Variants in EPHB2 observed in about 807,000 individuals in gnomAD.
EPHB2 encodes ephrin type-B receptor 2.
A neutral mutation model predicts 96.4 loss-of-function variants in EPHB2; 18 were observed. The ratio of observed to expected loss-of-function variants is 0.19; its 90% CI spans 0.13 to 0.28. The LOEUF (loss-of-function observed/expected upper bound fraction) is 0.28. Ranked by LOEUF, EPHB2 falls within the 10% of genes least tolerant of loss-of-function variation. The pLI is 1.00. For missense variants in EPHB2, 989 were observed against 1,355.4 expected (o/e 0.73, Z 4.25); for synonymous variants, 506 against 534.1 (o/e 0.95, Z 0.72).
At chr1:22,829,434 C>T (rs1185902452) in intron 3 of EPHB2, among the ~76,000 whole-genome samples, 1 of 152,242 alleles carries the variant, frequency 6.6e-6, no homozygotes, top group Admixed American at 6.5e-5. Flanking sequence ...CAGGCCCCAC[C>T]CAGATTCCAA....
chr1:22,720,799 C>T (rs1158433698), intron 1 of EPHB2, among the ~76,000 whole-genome samples: 3 of 151,914 alleles, frequency 2.0e-5, no homozygotes, highest in Non-Finnish European at 4.4e-5. Flanking sequence ...GATGTTTGTG[C>T]AATAAACGAA....
intron 3 of EPHB2, among the ~76,000 whole-genome samples, chr1:22,803,633 GTA>G (rs1421721579): frequency 4.3e-3 from 6 of 1,400 alleles, no homozygotes; most frequent in Admixed American, 0.017. Flanking sequence ...ATATATATGT[GTA>G]TATATATGTG....
At chr1:22,813,706 G>C (rs746328247) in intron 3 of EPHB2, among the ~76,000 whole-genome samples, 3 of 152,232 alleles carry the variant, frequency 2.0e-5, no homozygotes, top group Non-Finnish European at 2.9e-5. Context: ...TTCACTCTCT[G>C]AACGCTGGTT....
rs1411822657 is a variant in EPHB2 at position 22,906,672 on chromosome 1, C to T, written c.1889-38C>T. Reference sequence around the variant, plus strand: ...ACAGGAAGGTGGCCCTTCCACCTGGCAAGTGACATCCTGTCTGTCTTGGTG... The same window carrying T: ...ACAGGAAGGTGGCCCTTCCACCTGGTAAGTGACATCCTGTCTGTCTTGGTG... On this transcript the variant is annotated intron_variant, in intron 10 of 15. Transcript: ENST00000374630. This position sits in a 1 kb window ranked among gnomAD's most constrained non-coding sequence, Gnocchi z 4.8. The T allele has an allele frequency of 6.2e-7, 1 of 1,613,634 alleles. No individual in the cohort carries two copies. Among genetic ancestry groups the T allele is most frequent in the Non-Finnish European group, 8.5e-7 (1 of 1,179,934 alleles).
At chr1:22,774,250 C>A (rs550019971) in intron 1 of EPHB2, among the ~76,000 whole-genome samples, 1 of 152,336 alleles carries the variant, frequency 6.6e-6, no homozygotes, top group Admixed American at 6.5e-5. Context: ...TCCGCCTCTC[C>A]CTGCAGTAAG....
chr1:22,861,696 C>T (rs759543567), intron 3 of EPHB2, among the ~76,000 whole-genome samples: 1 of 152,048 alleles, frequency 6.6e-6, no homozygotes, highest in Admixed American at 6.6e-5. Flanking sequence ...CCAAGAAAGG[C>T]AGGGTCTCTG....
chr1:22,803,177 T>A (rs1644869973), intron 3 of EPHB2, among the ~76,000 whole-genome samples: 1 of 152,116 alleles, frequency 6.6e-6, no homozygotes, highest in South Asian at 2.1e-4. Flanking sequence ...CTCCTGTCCC[T>A]CAAATCTTTG....
intron 5 of EPHB2, among the ~76,000 whole-genome samples, chr1:22,879,418 T>C (rs1313690905): frequency 6.6e-6 from 1 of 152,228 alleles, no homozygotes; most frequent in Non-Finnish European, 1.5e-5. Context: ...GCAGACAGCC[T>C]GGACTTCATA....
At position 22,906,071 on chromosome 1, in the gene EPHB2, A is replaced by G. The variant is rs1156481803; in HGVS notation, c.1850A>G (p.Asp617Gly). The G allele has an allele frequency of 6.2e-7, 1 of 1,614,094 alleles. No homozygotes were observed. The highest frequency in any genetic ancestry group is 8.5e-7 in the Non-Finnish European group (1 of 1,180,052). The change falls in exon 10 of 16, where the codon GAC (aspartate) becomes GGC (glycine). Residue 617 changes from aspartate (D) to glycine (G), a missense_variant. Transcript: ENST00000374630. This position sits in a 1 kb window ranked among gnomAD's most constrained non-coding sequence, Gnocchi z 4.8. ...EAVREFAKEI[D>G]ISCVKIEQVI... ...GTGCGGGAGTTTGCCAAGGAAATTG[A>G]CATCTCCTGTGTCAAAATTGAGCAG...
chr1:22,785,298 A>G (rs1644595760), intron 3 of EPHB2, among the ~76,000 whole-genome samples: 2 of 152,256 alleles, frequency 1.3e-5, no homozygotes, highest in South Asian at 4.1e-4. Flanking sequence ...CGCAGGTGGT[A>G]TACCAGATAA....
chr1:22,828,395 C>A (rs368619069), intron 3 of EPHB2, among the ~76,000 whole-genome samples: 6 of 152,188 alleles, frequency 3.9e-5, no homozygotes, highest in Non-Finnish European at 7.3e-5. Flanking sequence ...CCAGCCCAGC[C>A]GTGCCCACCC....
At chr1:22,797,458 C>T (rs1404546257) in intron 3 of EPHB2, among the ~76,000 whole-genome samples, 2 of 152,114 alleles carry the variant, frequency 1.3e-5, no homozygotes, top group African/African-American at 4.8e-5. Flanking sequence ...GTGGCTAGTT[C>T]CTGTTCATCT....
At position 22,723,189 on chromosome 1, in the gene EPHB2, A is replaced by AGGGGT. The variant is rs1342007533; in HGVS notation, c.61+12147_61+12148insGGGTG. Among the ~76,000 whole-genome samples the AGGGGT allele has an allele frequency of 2.6e-5, 4 of 152,318 alleles. No individual in the cohort carries two copies. In the East Asian group the frequency reaches 7.7e-4, roughly 29 times the overall value. On this transcript the variant is annotated intron_variant, in intron 1 of 15. Coordinates refer to ENST00000374630, the MANE Select transcript of EPHB2 (RefSeq NM_017449.5). ...AAGCATCTGAAACGTGTAAGTGGGGAGAAAGCGGCTTAGCGCACAGTGGGA... is the reference window on the plus strand; with the variant it reads ...AAGCATCTGAAACGTGTAAGTGGGGAGGGGTGAAAGCGGCTTAGCGCACAGTGGGA...
At chr1:22,868,603 C>T (rs2148532382) in intron 5 of EPHB2, among the ~76,000 whole-genome samples, 1 of 152,262 alleles carries the variant, frequency 6.6e-6, no homozygotes, top group South Asian at 2.1e-4. Flanking sequence ...CTTGGACTGG[C>T]AGCCACCCCA....
chr1:22,897,372 A>G (rs1297875973), intron 9 of EPHB2, among the ~76,000 whole-genome samples: 1 of 152,094 alleles, frequency 6.6e-6, no homozygotes, highest in Non-Finnish European at 1.5e-5. Flanking sequence ...TGACGCCCTG[A>G]GGTTCCTCAG....
At chr1:22,828,587 G>A (rs1400607207) in intron 3 of EPHB2, among the ~76,000 whole-genome samples, 1 of 152,182 alleles carries the variant, frequency 6.6e-6, no homozygotes, top group Admixed American at 6.5e-5. Flanking sequence ...AGTAGGGGAA[G>A]GTGACGAGGT....
intron 6 of EPHB2, among the ~76,000 whole-genome samples, chr1:22,891,754 T>TAG (rs1228427914): frequency 1.3e-5 from 2 of 151,846 alleles, no homozygotes; most frequent in African/African-American, 4.8e-5. Context: ...GGACATTAGA[T>TAG]AGAGGTGGCT....
chr1:22,835,283 G>A (rs1036101869), intron 3 of EPHB2, among the ~76,000 whole-genome samples: 2 of 152,056 alleles, frequency 1.3e-5, no homozygotes, highest in Non-Finnish European at 2.9e-5. Context: ...AGGAGGCTAA[G>A]GCCAGAGGGT....
At chr1:22,770,206 T>G (rs538879883) in intron 1 of EPHB2, among the ~76,000 whole-genome samples, 1 of 151,960 alleles carries the variant, frequency 6.6e-6, no homozygotes, top group Admixed American at 6.6e-5. Context: ...AATAGGTAGG[T>G]GGGTGAGTGA....
Sources: allele counts gnomAD v4.1 joint callset (sites outside exome capture counted in the v4.1 genomes callset), GRCh38; gene constraint gnomAD v4.1.1; non-coding constraint Gnocchi (gnomAD v3.1); transcripts MANE v1.5; gene names NCBI Gene and HGNC (gene_info 2026-07-23, HGNC 2026-07-21).